Variants in MGAT4C observed in about 807,000 individuals in gnomAD.
MGAT4C encodes alpha-1,3-mannosyl-glycoprotein 4-beta-N-acetylglucosaminyltransferase C.
A neutral mutation model predicts 40.1 loss-of-function variants in MGAT4C; 19 were observed. The ratio of observed to expected loss-of-function variants is 0.47; its 90% CI spans 0.33 to 0.70. The LOEUF (loss-of-function observed/expected upper bound fraction) is 0.70, where lower values mean the gene tolerates loss of function less well. Among genes scored for constraint, MGAT4C ranks in the 30% least tolerant of loss-of-function variants. The pLI is 0.02. For synonymous variants in MGAT4C, 181 were observed against 187.1 expected (o/e 0.97, Z 0.27); for missense variants, 491 against 563.2 (o/e 0.87, Z 1.30).
intron 4 of MGAT4C, among the ~76,000 whole-genome samples, chr12:86,332,116 T>C (rs1010679468): frequency 2.6e-5 from 4 of 152,088 alleles, no homozygotes; most frequent in Admixed American, 6.6e-5. Flanking sequence ...TTGTTTTGGA[T>C]TGCAATACAG....
intron 2 of MGAT4C, among the ~76,000 whole-genome samples, chr12:86,525,408 G>A (rs996520671): frequency 2.0e-5 from 3 of 152,094 alleles, no homozygotes; most frequent in Non-Finnish European, 4.4e-5. Flanking sequence ...CCAGTCTCAG[G>A]TCATTCTTTA....
chr12:86,395,469 G>T (rs757592234), intron 3 of MGAT4C, among the ~76,000 whole-genome samples: 1 of 152,058 alleles, frequency 6.6e-6, no homozygotes, highest in Admixed American at 6.6e-5. Flanking sequence ...TACACTAAGC[G>T]CCTCAGAACT....
At chr12:86,461,882 G>A (rs1324735530) in intron 2 of MGAT4C, among the ~76,000 whole-genome samples, 1 of 152,166 alleles carries the variant, frequency 6.6e-6, no homozygotes, top group Non-Finnish European at 1.5e-5. Context: ...AGGTCATATA[G>A]CATGAAACTC....
intron 2 of MGAT4C, among the ~76,000 whole-genome samples, chr12:86,049,192 C>A (rs1160506137): frequency 6.6e-6 from 1 of 151,888 alleles, no homozygotes; most frequent in African/African-American, 2.4e-5. Flanking sequence ...TAGAGCAAAA[C>A]TACTCATTAA....
chr12:86,658,560 TG>T (rs1963902447), intron 2 of MGAT4C, among the ~76,000 whole-genome samples: 1 of 152,104 alleles, frequency 6.6e-6, no homozygotes, highest in Non-Finnish European at 1.5e-5. Context: ...TTATTTTCTC[TG>T]TAAAGTGTTT....
intron 1 of MGAT4C, among the ~76,000 whole-genome samples, chr12:86,756,938 C>G (rs978380218): frequency 6.6e-6 from 1 of 152,014 alleles, no homozygotes; most frequent in Non-Finnish European, 1.5e-5. Flanking sequence ...TCATAATAAG[C>G]CTTTCTCAAA....
At chr12:86,627,245 A>C (rs1962844254) in intron 2 of MGAT4C, among the ~76,000 whole-genome samples, 1 of 152,184 alleles carries the variant, frequency 6.6e-6, no homozygotes, top group African/African-American at 2.4e-5. Flanking sequence ...AGCCCACCAC[A>C]GCTCAGCGAG....
At chr12:86,517,426 C>A (rs534511345) in intron 2 of MGAT4C, among the ~76,000 whole-genome samples, 1 of 152,160 alleles carries the variant, frequency 6.6e-6, no homozygotes, top group South Asian at 2.1e-4. Flanking sequence ...ATATTACTAT[C>A]TTTGGTGCTG....
chr12:86,736,362 C>T (rs1950985928), intron 1 of MGAT4C, among the ~76,000 whole-genome samples: 1 of 151,786 alleles, frequency 6.6e-6, no homozygotes, highest in African/African-American at 2.4e-5. Context: ...GAAACCTTAC[C>T]ACTTTTCTTT....
rs901572123 is a variant in MGAT4C, at chr12:85,957,964, T to C, written c.*21325A>G. 1.3e-5 allele frequency: 2 copies of C among 152,140 alleles called. No individual in the cohort carries two copies. Among genetic ancestry groups the C allele is most frequent in the South Asian group, 2.1e-4 (1 of 4,836 alleles). The allele number at this position is 152,140 out of a possible 1,614,324, so 9.4% of individuals were successfully genotyped here. On this transcript the variant is annotated 3_prime_UTR_variant, in exon 5 of 5. Coordinates refer to ENST00000611864, the MANE Select transcript of MGAT4C (RefSeq NM_001351288.2). ...ATTTGAGTGAGAGACTTGTCATTAA[T>C]GTACAGCAAAATTTACAAGTCACCA...
intron 4 of MGAT4C, among the ~76,000 whole-genome samples, chr12:86,288,820 T>C (rs1242929312): frequency 6.6e-6 from 1 of 151,986 alleles, no homozygotes; most frequent in African/African-American, 2.4e-5. Flanking sequence ...AGACCTTTGT[T>C]GGACGCACAG....
At chr12:86,551,130 C>CT (rs2136396393) in intron 2 of MGAT4C, among the ~76,000 whole-genome samples, 1 of 152,310 alleles carries the variant, frequency 6.6e-6, no homozygotes, top group African/African-American at 2.4e-5. Flanking sequence ...AAAAATAGCC[C>CT]TAGGGACTGC....
chr12:86,564,659 T>C (rs890656076), intron 2 of MGAT4C, among the ~76,000 whole-genome samples: 2 of 152,206 alleles, frequency 1.3e-5, no homozygotes, highest in Admixed American at 6.5e-5. Flanking sequence ...ATATTCCTTC[T>C]AAGGTGAAAG....
intron 2 of MGAT4C, among the ~76,000 whole-genome samples, chr12:86,504,318 G>A (rs1958432131): frequency 6.6e-6 from 1 of 152,150 alleles, no homozygotes; most frequent in African/African-American, 2.4e-5. Flanking sequence ...GTACATATGT[G>A]TGTGTAAAGA....
At chr12:86,725,524 G>A (rs868201286) in intron 2 of MGAT4C, among the ~76,000 whole-genome samples, 1 of 152,012 alleles carries the variant, frequency 6.6e-6, no homozygotes, top group Non-Finnish European at 1.5e-5. Flanking sequence ...TATAGTGGGC[G>A]ATCTCGGCTC....
intron 2 of MGAT4C, among the ~76,000 whole-genome samples, chr12:86,518,025 C>A (rs929659931): frequency 6.6e-6 from 1 of 152,044 alleles, no homozygotes; most frequent in African/African-American, 2.4e-5. Context: ...TGAACTTTCC[C>A]CGTGTTAAAG....
intron 1 of MGAT4C, among the ~76,000 whole-genome samples, chr12:86,184,990 T>C (rs1430612490): frequency 2.0e-5 from 3 of 152,176 alleles, no homozygotes; most frequent in Non-Finnish European, 4.4e-5. Context: ...AAATTACCAA[T>C]CTACTTTTCG....
At chr12:86,570,218 TAGTGAAGTAGTGCATATGTAA>T (rs1960305596) in intron 2 of MGAT4C, among the ~76,000 whole-genome samples, 1 of 152,120 alleles carries the variant, frequency 6.6e-6, no homozygotes, top group African/African-American at 2.4e-5. Flanking sequence ...AAAAGACAAG[TAGTGAAGTAGTGCATATGTAA>T]TTAGCTTTAG....
intron 1 of MGAT4C, among the ~76,000 whole-genome samples, chr12:86,239,619 T>C (rs1271669313): frequency 6.6e-6 from 1 of 152,088 alleles, no homozygotes; most frequent in Admixed American, 6.6e-5. Context: ...AGAAATGTTA[T>C]TCATCCTTTT....
Sources: gnomAD v4.1 joint callset for allele counts (sites outside exome capture counted in the v4.1 genomes callset) on GRCh38, gnomAD v4.1.1 for gene constraint, MANE v1.5 for transcripts, NCBI Gene and HGNC (gene_info 2026-07-23, HGNC 2026-07-21) for gene names.